Variants in RBFOX1 observed in about 807,000 individuals in gnomAD.
The protein encoded by RBFOX1 is RNA binding fox-1 homolog 1, also known as RNA binding protein fox-1 homolog 1.
A neutral mutation model predicts 57.7 loss-of-function variants in RBFOX1; 8 were observed. That is an observed-to-expected ratio of 0.14 (90% CI 0.08 to 0.25). RBFOX1 has a LOEUF of 0.25. Ranked by LOEUF, RBFOX1 falls within the 10% of genes least tolerant of loss-of-function variation. RBFOX1 has a pLI of 1.00. For missense variants in RBFOX1, 611 were observed against 548.5 expected (o/e 1.11, Z -1.14); for synonymous variants, 326 against 222.4 (o/e 1.47, Z -4.15).
At chr16:7,099,600 G>A (rs537823523) in intron 4 of RBFOX1, among the ~76,000 whole-genome samples, 59 of 152,268 alleles carry the variant, frequency 3.9e-4, no homozygotes, top group African/African-American at 1.2e-3. Context: ...GCCTCAGGAG[G>A]TCCTGAGGAC....
At chr16:7,092,021 C>G (rs1301696114) in intron 4 of RBFOX1, among the ~76,000 whole-genome samples, 3 of 151,936 alleles carry the variant, frequency 2.0e-5, no homozygotes, top group Admixed American at 2.0e-4. Flanking sequence ...TAAAATTAGT[C>G]AATGAGAAAA....
chr16:6,882,693 C>T (rs2063198082), intron 3 of RBFOX1, among the ~76,000 whole-genome samples: 1 of 152,092 alleles, frequency 6.6e-6, no homozygotes, highest in Non-Finnish European at 1.5e-5. Flanking sequence ...GGATAACAAC[C>T]ATTCAGTTTG....
At chr16:7,162,482 C>A (rs1177981046) in intron 4 of RBFOX1, among the ~76,000 whole-genome samples, 1 of 151,038 alleles carries the variant, frequency 6.6e-6, no homozygotes, top group Non-Finnish European at 1.5e-5. Flanking sequence ...GTAACCCCAG[C>A]ACTTTGAGAG....
chr16:6,702,392 A>G (rs1425578699), intron 3 of RBFOX1, among the ~76,000 whole-genome samples: 1 of 152,170 alleles, frequency 6.6e-6, no homozygotes. Context: ...CATCTCTACT[A>G]AAAATACAAA....
intron 2 of RBFOX1, among the ~76,000 whole-genome samples, chr16:6,442,947 G>A (rs1035866935): frequency 3.3e-5 from 5 of 152,176 alleles, no homozygotes; most frequent in Non-Finnish European, 1.5e-5. Context: ...TAATAAAAAT[G>A]TATCTTTCTG....
chr16:7,509,404 G>GTGTGTGTGTGTCTGTGTC (rs1396837353), intron 4 of RBFOX1, among the ~76,000 whole-genome samples: 6 of 147,652 alleles, frequency 4.1e-5, no homozygotes, highest in African/African-American at 1.5e-4. Context: ...GTGTGTGTGT[G>GTGTGTGTGTGTCTGTGTC]TGTGTGTGTG....
chr16:5,949,099 A>T (rs1008598016), intron 4 of RBFOX1, among the ~76,000 whole-genome samples: 3 of 152,084 alleles, frequency 2.0e-5, no homozygotes, highest in African/African-American at 7.2e-5. Flanking sequence ...TGTCCTCCCC[A>T]ACTACTAGAG....
At chr16:6,222,150 C>T (rs1481163687) in intron 1 of RBFOX1, among the ~76,000 whole-genome samples, 1 of 151,932 alleles carries the variant, frequency 6.6e-6, no homozygotes, top group Non-Finnish European at 1.5e-5. Context: ...ATATGTAGTC[C>T]AATGGAAATG....
intron 1 of RBFOX1, among the ~76,000 whole-genome samples, chr16:6,253,532 G>T (rs1184125456): frequency 6.6e-6 from 1 of 151,902 alleles, no homozygotes; most frequent in Non-Finnish European, 1.5e-5. Flanking sequence ...CCTACATTTT[G>T]CACTTTTATA....
intron 2 of RBFOX1, among the ~76,000 whole-genome samples, chr16:6,574,504 C>G (rs1373249923): frequency 6.8e-6 from 1 of 146,730 alleles, no homozygotes; most frequent in African/African-American, 2.5e-5. Flanking sequence ...TCTCCGCTCA[C>G]TGCAAGCTCC....
chr16:5,875,935 C>A (rs1429983295), intron 4 of RBFOX1, among the ~76,000 whole-genome samples: 14 of 151,876 alleles, frequency 9.2e-5, no homozygotes, highest in Admixed American at 9.2e-4. Context: ...GCCCCGCCTC[C>A]CAGCTTCATG....
chr16:6,006,375 GAA>G (rs35574832), intron 4 of RBFOX1, among the ~76,000 whole-genome samples: 53 of 146,964 alleles, frequency 3.6e-4, no homozygotes, highest in Middle Eastern at 6.9e-3. Flanking sequence ...CTACTGTAGG[GAA>G]AAAAAAAAAA....
intron 4 of RBFOX1, among the ~76,000 whole-genome samples, chr16:7,477,958 T>G (rs1567388206): frequency 6.6e-6 from 1 of 152,202 alleles, no homozygotes; most frequent in Non-Finnish European, 1.5e-5. Flanking sequence ...CCACACATAA[T>G]TGAGACTTTG....
At chr16:6,782,531 A>AT (rs2081203465) in intron 3 of RBFOX1, among the ~76,000 whole-genome samples, 1 of 150,998 alleles carries the variant, frequency 6.6e-6, no homozygotes, top group African/African-American at 2.4e-5. Context: ...ATGTCCCGGG[A>AT]TTTTTATGTC....
At chr16:7,291,671 A>T (rs572652046) in intron 4 of RBFOX1, among the ~76,000 whole-genome samples, 1 of 152,008 alleles carries the variant, frequency 6.6e-6, no homozygotes, top group South Asian at 2.1e-4. Flanking sequence ...AGCAGCAAGG[A>T]TGGGACCTTG....
intron 3 of RBFOX1, among the ~76,000 whole-genome samples, chr16:6,889,527 G>T (rs1056152283): frequency 1.1e-4 from 16 of 152,134 alleles, no homozygotes; most frequent in Admixed American, 9.2e-4. Flanking sequence ...CTTCGTGACT[G>T]CAGTGTTACT....
intron 4 of RBFOX1, among the ~76,000 whole-genome samples, chr16:7,083,402 G>T (rs567563716): frequency 1.3e-5 from 2 of 152,048 alleles, no homozygotes; most frequent in South Asian, 2.1e-4. Flanking sequence ...CTGAGCAGAG[G>T]CAGGAAGAGC....
At chr16:7,505,207 C>T (rs2072847146) in intron 4 of RBFOX1, among the ~76,000 whole-genome samples, 1 of 143,366 alleles carries the variant, frequency 7.0e-6, no homozygotes, top group Non-Finnish European at 1.5e-5. Flanking sequence ...GCACCTCAGA[C>T]ACTCTTTGAG....
chr16:7,269,571 T>C (rs577985711), intron 4 of RBFOX1, among the ~76,000 whole-genome samples: 1 of 152,146 alleles, frequency 6.6e-6, no homozygotes, highest in Non-Finnish European at 1.5e-5. Context: ...AATGTGAACA[T>C]TTTACCATGC....
Sources: allele counts gnomAD v4.1 joint callset (sites outside exome capture counted in the v4.1 genomes callset), GRCh38; gene constraint gnomAD v4.1.1; transcripts MANE v1.5; gene names NCBI Gene and HGNC (gene_info 2026-07-23, HGNC 2026-07-21).